SMU1: variants seen among roughly 807,000 people sequenced by gnomAD.
SMU1 encodes SMU1 DNA replication regulator and spliceosomal factor, also known as WD40 repeat-containing protein SMU1.
SMU1 carries 2 observed loss-of-function variants against 62.0 expected under a neutral mutation model. That is an observed-to-expected ratio of 0.03 (90% confidence interval 0.01 to 0.10). SMU1 has a LOEUF of 0.10. Ranked by LOEUF, SMU1 falls within the 10% of genes least tolerant of loss-of-function variation. The pLI is 1.00. For missense variants in SMU1, 227 were observed against 622.1 expected (o/e 0.36, Z 6.76); for synonymous variants, 188 against 212.4 (o/e 0.89, Z 1.00).
rs180878592 is a variant in SMU1, at chr9:33,060,056, C to T, written c.750+409G>A. Among the ~76,000 whole-genome samples the T allele has an allele frequency of 8.9e-4, 136 of 152,274 alleles. 1 individual carries two copies. The highest frequency in any genetic ancestry group is 1.6e-3 in the Non-Finnish European group (107 of 68,024). On this transcript the variant is annotated intron_variant, in intron 6 of 11. Coordinates refer to ENST00000397149, the MANE Select transcript of SMU1 (RefSeq NM_018225.3). ...TTTTGAGACAGTGTTGCTGCCCAGG[C>T]TAGAATGCAGTAGCATAATCATGGC...
intron 1 of SMU1, among the ~76,000 whole-genome samples, chr9:33,075,773 A>G (rs1041827535): frequency 1.3e-5 from 2 of 152,150 alleles, no homozygotes; most frequent in African/African-American, 4.8e-5. Flanking sequence ...CCTCCCTTAC[A>G]CTCAGACACA....
At chr9:33,059,538 C>T (rs1214871362) in intron 6 of SMU1, among the ~76,000 whole-genome samples, 1 of 148,986 alleles carries the variant, frequency 6.7e-6, no homozygotes, top group Non-Finnish European at 1.5e-5. Context: ...TGCAGTGAGC[C>T]GAGATCGTGC....
chr9:33,058,707 A>C (rs78341624), intron 6 of SMU1, among the ~76,000 whole-genome samples: 6,129 of 152,318 alleles, frequency 0.04, 192 homozygotes, highest in East Asian at 0.13. Flanking sequence ...TTATCCCGCT[A>C]AACAAATTCT....
intron 4 of SMU1, among the ~76,000 whole-genome samples, chr9:33,063,234 T>A (rs893256720): frequency 2.0e-5 from 3 of 152,106 alleles, no homozygotes. Flanking sequence ...TGGTGGTGCA[T>A]GCCTGTAATC....
At position 33,041,963 on chromosome 9, in the gene SMU1, A is replaced by G. The variant is rs1839130710; in HGVS notation, c.*5330T>C. The G allele has an allele frequency of 6.6e-6, 1 of 152,236 alleles. No individual in the cohort carries two copies. Among genetic ancestry groups the G allele is most frequent in the Non-Finnish European group, 1.5e-5 (1 of 68,030 alleles). The allele number at this position is 152,236 out of a possible 1,614,324, so 9.4% of individuals were successfully genotyped here. Reference sequence around the variant, plus strand: ...GGAAGGGAAGGAGAAGTTAATTGACAATGTTACAGGGCTTCTGTTTAGGGT... The same window carrying G: ...GGAAGGGAAGGAGAAGTTAATTGACGATGTTACAGGGCTTCTGTTTAGGGT... On this transcript the variant is annotated 3_prime_UTR_variant, in exon 12 of 12. Coordinates refer to ENST00000397149, the MANE Select transcript of SMU1 (RefSeq NM_018225.3).
intron 3 of SMU1, among the ~76,000 whole-genome samples, chr9:33,069,882 T>C (rs959025763): frequency 1.3e-5 from 2 of 151,976 alleles, no homozygotes; most frequent in Admixed American, 1.3e-4. Flanking sequence ...TCCTAGCACT[T>C]TGGGAGGCCG....
At chr9:33,051,138 A>T (rs1391249491) in intron 10 of SMU1, among the ~76,000 whole-genome samples, 2 of 134,994 alleles carry the variant, frequency 1.5e-5, no homozygotes, top group Admixed American at 7.6e-5. Context: ...AAAAAAAATA[A>T]AAATAAAAAT....
chr9:33,068,640 G>C (rs1839452475), intron 4 of SMU1, among the ~76,000 whole-genome samples, 184 bp downstream of exon 4: 1 of 152,024 alleles, frequency 6.6e-6, no homozygotes, highest in South Asian at 2.1e-4. Flanking sequence ...AAGTAACTGA[G>C]ACCACAGGCA....
intron 10 of SMU1, among the ~76,000 whole-genome samples, chr9:33,050,380 G>C (rs942732101): frequency 3.3e-5 from 5 of 152,152 alleles, no homozygotes; most frequent in African/African-American, 1.2e-4. Context: ...ACACTACTTA[G>C]CATTTACCCA....
intron 4 of SMU1, 116 bp downstream of exon 4, chr9:33,068,708 T>C: frequency 6.8e-6 from 8 of 1,177,276 alleles, no homozygotes; most frequent in Non-Finnish European, 9.3e-6. Context: ...TCTCACAATG[T>C]TGCTTAGGCT....
At chr9:33,067,738 A>T (rs1235673005) in intron 4 of SMU1, among the ~76,000 whole-genome samples, 2 of 151,964 alleles carry the variant, frequency 1.3e-5, no homozygotes, top group Non-Finnish European at 2.9e-5. Flanking sequence ...ATCTCAGGTG[A>T]TCCACCCACC....
At chr9:33,060,626 G>C in intron 5 of SMU1, 42 bp from the exon 6 acceptor site, 10 of 1,604,078 alleles carry the variant, frequency 6.2e-6, no homozygotes, top group Non-Finnish European at 8.5e-6. Flanking sequence ...TTTTTATCTA[G>C]TGGACTTAAA....
rs1484225236 is a variant in SMU1 at position 33,042,285 on chromosome 9, A to G, written c.*5008T>C. On this transcript the variant is annotated 3_prime_UTR_variant, in exon 12 of 12. Transcript: ENST00000397149. ...TACTACCACTAACAGCCTCTGTTGA[A>G]CCCTTCATTACTATGTAAGCAGCCA... The G allele has an allele frequency of 6.5e-6, 1 of 152,702 alleles. No homozygotes were observed. Among genetic ancestry groups the G allele is most frequent in the Non-Finnish European group, 1.5e-5 (1 of 68,082 alleles). 9.5% of individuals were successfully genotyped at this position (152,702 alleles called of 1,614,324 possible). A position where few individuals can be genotyped will look rare whatever the true frequency, so the allele number is the denominator to read the frequency against.
intron 3 of SMU1, 115 bp downstream of exon 3, chr9:33,071,625 A>C (rs1372543074): frequency 1.9e-6 from 2 of 1,079,458 alleles, no homozygotes; most frequent in Admixed American, 6.3e-5. Flanking sequence ...CATTCTCAAA[A>C]ATTAAATCAA....
chr9:33,047,472 GGGAAAAAGAGATCTT>G, intron 11 of SMU1, 81 bp from the exon 12 acceptor site: 5 of 1,127,276 alleles, frequency 4.4e-6, no homozygotes, highest in Non-Finnish European at 6.4e-6. Context: ...GTGGGTGGAA[GGGAAAAAGAGATCTT>G]GGGAGGCCAC....
At position 33,042,158 on chromosome 9, in the gene SMU1, T is replaced by G. The variant is rs984814508; in HGVS notation, c.*5135A>C. The G allele has an allele frequency of 5.2e-5, 8 of 152,692 alleles. No homozygotes were observed. Among genetic ancestry groups the G allele is most frequent in the African/African-American group, 1.9e-4 (8 of 41,462 alleles). The allele number at this position is 152,692 out of a possible 1,614,324, so 9.5% of individuals were successfully genotyped here. ...TGCAAAAGTAATGTGCCATTACTTT[T>G]AATGGCAAAAACCGCAATTACTTTT... On this transcript the variant is annotated 3_prime_UTR_variant, in exon 12 of 12. Transcript: ENST00000397149.
chr9:33,062,286 C>A, intron 4 of SMU1, 109 bp from the exon 5 acceptor site: 1 of 1,411,916 alleles, frequency 7.1e-7, no homozygotes, highest in Non-Finnish European at 9.4e-7. Context: ...AAGCTGTGAG[C>A]CATCTAAACC....
chr9:33,073,658 C>A lies in SMU1; in HGVS notation c.175G>T (p.Val59Leu). The A allele has an allele frequency of 6.2e-7, 1 of 1,613,496 alleles. No individual in the cohort carries two copies. Among genetic ancestry groups the A allele is most frequent in the Non-Finnish European group, 8.5e-7 (1 of 1,179,878 alleles). Residue 59 changes from valine (V) to leucine (L), a missense_variant, in exon 2 of 12, where the codon GTG (valine) becomes TTG (leucine). Val to Leu is a conservative substitution (Grantham distance 32, BLOSUM62 1). Around this residue, in one of 5 missense-constraint regions of SMU1, gnomAD observed 99 missense variants for 270.3 expected, o/e 0.37. Transcript: ENST00000397149. ...ADINSGHWDT[V>L]LQAIQSLKLP... ...TTCAGAGACTGTATAGCCTGCAACA[C>A]AGTATCCCAATGGCCACTGTTAATG... is the stretch of plus-strand genomic sequence containing the variant.
At chr9:33,049,788 A>ACACACACACACACACACAC (rs1564019330) in intron 10 of SMU1, among the ~76,000 whole-genome samples, 1 of 150,944 alleles carries the variant, frequency 6.6e-6, no homozygotes, top group African/African-American at 2.4e-5. Flanking sequence ...ACACACACAC[A>ACACACACACACACACACAC]AAAGTCGGGC....
Sources: allele counts gnomAD v4.1 joint callset (sites outside exome capture counted in the v4.1 genomes callset), GRCh38; gene constraint gnomAD v4.1.1; regional missense constraint gnomAD v4.1.1; transcripts MANE v1.5; gene names NCBI Gene and HGNC (gene_info 2026-07-23, HGNC 2026-07-21).